The following NEB variants were observed in gnomAD, a reference collection of about 807,000 sequenced individuals.
The protein encoded by NEB is nebulin, also known as nemaline myopathy type 2.
A neutral mutation model predicts 952.2 loss-of-function variants in NEB; 512 were observed. The observed-to-expected ratio is 0.54, with a 90% confidence interval of 0.50 to 0.58. The LOEUF (loss-of-function observed/expected upper bound fraction) is 0.58. Among genes scored for constraint, NEB ranks in the 20% least tolerant of loss-of-function variants. The probability of loss-of-function intolerance (pLI) is 0.00; values close to 1 mark genes in which losing one functional copy is unlikely to be tolerated. For missense variants in NEB, 8,428 were observed against 9,231.1 expected (o/e 0.91, Z 3.56); for synonymous variants, 2,900 against 3,149.8 (o/e 0.92, Z 2.66).
chr2:151,612,699 G>A (rs1225597799), intron 77 of NEB, among the ~76,000 whole-genome samples: 1 of 152,178 alleles, frequency 6.6e-6, no homozygotes, highest in Non-Finnish European at 1.5e-5. Flanking sequence ...TGATTTGATG[G>A]TCCCTACCTC....
chr2:151,647,830 C>T (rs1018836832), intron 54 of NEB, among the ~76,000 whole-genome samples: 2 of 152,044 alleles, frequency 1.3e-5, no homozygotes, highest in African/African-American at 4.8e-5. Context: ...AAATCCTGAG[C>T]CAGAGAAAAT....
chr2:151,642,556 CT>C lies in NEB; in HGVS notation c.8373+17del. The C allele has an allele frequency of 6.3e-7, 1 of 1,592,310 alleles. No homozygotes were observed. Among genetic ancestry groups the C allele is most frequent in the Non-Finnish European group, 8.6e-7 (1 of 1,164,168 alleles). On this transcript the variant is annotated intron_variant, in intron 60 of 181. Coordinates refer to ENST00000397345, the MANE Select transcript of NEB (RefSeq NM_001164508.2). ...TTTGAGCCAAAGCTAAGGCAAATAA[CT>C]TTCCAAGTATACTTACTTCACTTGC...
intron 128 of NEB, among the ~76,000 whole-genome samples, chr2:151,552,190 C>T (rs375386622): frequency 3.3e-5 from 5 of 152,260 alleles, no homozygotes; most frequent in South Asian, 2.1e-4. Flanking sequence ...TTGTGTCAGG[C>T]GTCATAGTGG....
intron 9 of NEB, among the ~76,000 whole-genome samples, chr2:151,717,853 T>TCC (rs2099763433): frequency 1.3e-5 from 1 of 79,422 alleles, no homozygotes. Flanking sequence ...ACCTCCTTTG[T>TCC]TCTTTTTTTT....
Position 151,656,397 on chromosome 2 carries a change from T to C in NEB, c.6251A>G (p.Asp2084Gly), listed in dbSNP as rs1011606396. ...TTGCATGGAATGGACTAATTTGGGA[T>C]CATCCTCGAGACTGCGGAAACCAAC... The part of the protein sequence containing the change: ...KMVGFRSLED[D>G]PKLVHSMQVA... The change falls in exon 49 of 182, where the codon GAT becomes GGT. Residue 2084 changes from aspartate (D) to glycine (G), a missense_variant. Asp to Gly is a moderately conservative substitution (Grantham distance 94, BLOSUM62 -1). Coordinates refer to ENST00000397345, the MANE Select transcript of NEB (RefSeq NM_001164508.2). 6.2e-7 allele frequency: 1 copy of C among 1,613,520 alleles called. No individual in the cohort carries two copies. The highest frequency in any genetic ancestry group is 8.5e-7 in the Non-Finnish European group (1 of 1,179,684).
intron 173 of NEB, among the ~76,000 whole-genome samples, chr2:151,496,019 G>A (rs1458613443): frequency 6.6e-6 from 1 of 152,202 alleles, no homozygotes; most frequent in African/African-American, 2.4e-5. Context: ...TAGAGAGTAA[G>A]TTTGGAGAGA....
At position 151,489,860 on chromosome 2, in the gene NEB, A is replaced by G. The variant is rs145934392; in HGVS notation, c.25404+111T>C. 73 of 704,004 alleles carry G rather than the reference A, an allele frequency of 1.0e-4. No homozygotes were observed. In the African/African-American group the frequency reaches 1.2e-3, roughly 12 times the overall value. 43.6% of individuals were successfully genotyped at this position (704,004 alleles called of 1,614,324 possible). On this transcript the variant is annotated intron_variant, in intron 181 of 181. Coordinates refer to ENST00000397345, the MANE Select transcript of NEB (RefSeq NM_001164508.2). ...GAAACATGTAATAAAAGAGCATTATATAAAATAGAAGGTTTGGTTAAAAAA... is the reference window on the plus strand; with the variant it reads ...GAAACATGTAATAAAAGAGCATTATGTAAAATAGAAGGTTTGGTTAAAAAA...
chr2:151,671,026 A>T lies in NEB; in HGVS notation c.4503T>A (p.Ser1501Arg), dbSNP rs1359459545. 2 of 1,613,170 alleles carry T rather than the reference A, an allele frequency of 1.2e-6. No homozygotes were observed. Among genetic ancestry groups the T allele is most frequent in the Non-Finnish European group, 1.7e-6 (2 of 1,179,092 alleles). The change falls in exon 38 of 182, where the codon AGT (serine) becomes AGA (arginine). Residue 1501 changes from serine (S) to arginine (R), a missense_variant. Coordinates refer to ENST00000397345, the MANE Select transcript of NEB (RefSeq NM_001164508.2). ...VLAQHNTKQLSDLNYKVEGEK... is the reference protein window; with the variant it reads ...VLAQHNTKQLRDLNYKVEGEK... The stretch of plus-strand genomic sequence containing the variant: ...ATTTTGAAAGGAAAGCACTCACATC[A>T]CTTAGCTGCTTTGTGTTATGCTGAG...
chr2:151,706,460 T>C (rs1441274689), intron 13 of NEB, among the ~76,000 whole-genome samples: 1 of 152,226 alleles, frequency 6.6e-6, no homozygotes, highest in African/African-American at 2.4e-5. Flanking sequence ...GAAAGTCCTG[T>C]GAAGACTTAG....
At chr2:151,551,694 T>G (rs766680656) in intron 129 of NEB, 44 bp downstream of exon 129, 1 of 1,462,666 alleles carries the variant, frequency 6.8e-7, no homozygotes, top group Non-Finnish European at 9.6e-7. Flanking sequence ...CAGAGGCTGA[T>G]GGAACGGATT....
chr2:151,508,155 T>TA, intron 161 of NEB, 46 bp from the exon 162 acceptor site: 1 of 1,328,524 alleles, frequency 7.5e-7, no homozygotes, highest in Non-Finnish European at 1.1e-6. Context: ...ACCACAGGGA[T>TA]ATAGGCCAAT....
chr2:151,497,555 G>C, intron 171 of NEB, 71 bp downstream of exon 171: 2 of 1,525,840 alleles, frequency 1.3e-6, no homozygotes, highest in African/African-American at 2.8e-5. Flanking sequence ...GGATTAATAC[G>C]TATTATTTTA....
chr2:151,622,286 C>T (rs1452573242), intron 71 of NEB, among the ~76,000 whole-genome samples: 2 of 152,150 alleles, frequency 1.3e-5, no homozygotes, highest in Non-Finnish European at 2.9e-5. Flanking sequence ...CTGCACCCAG[C>T]CATGTTTGGT....
Position 151,655,274 on chromosome 2 carries a change from C to T in NEB, c.6803G>A (p.Ser2268Asn), listed in dbSNP as rs2099075647. 1.9e-6 allele frequency: 3 copies of T among 1,539,744 alleles called. No homozygotes were observed. The highest frequency in any genetic ancestry group is 1.1e-5 in the South Asian group (1 of 86,998). ...TTAATTTTTATATAAATTTACCTGA[C>T]TATACAGTGTTTGATTCTGCTTGGC... is the stretch of plus-strand genomic sequence containing the variant. ...LQAKQNQTLYSQKLYKLGWEE... is the reference protein window; with the variant it reads ...LQAKQNQTLYNQKLYKLGWEE... Residue 2268 changes from serine (S) to asparagine (N), a missense_variant, in exon 51 of 182, where the codon AGT (serine) becomes AAT (asparagine). Ser to Asn is a conservative substitution (Grantham distance 46). This residue lies in a region of NEB where 2,851 missense variants were observed against 2,791.5 expected (regional missense o/e 1.02). Transcript: ENST00000397345.
In NEB at chr2:151,631,169, T is replaced by C. The variant is rs756429569; in HGVS notation, c.9592A>G (p.Lys3198Glu). The change falls in exon 66 of 182, where the codon AAG (lysine) becomes GAG (glutamate). Residue 3198 changes from lysine (K) to glutamate (E), a missense_variant. By Grantham distance (56) the Lys-to-Glu change is moderately conservative (BLOSUM62 1). Coordinates refer to ENST00000397345, the MANE Select transcript of NEB (RefSeq NM_001164508.2). ...VTDSLEQVLAKNNALNMNKRL... is the reference protein window; with the variant it reads ...VTDSLEQVLAENNALNMNKRL... Reference sequence around the variant, plus strand: ...TTATTCATGTTGAGAGCATTGTTCTTGGCCAGCACCTGCTCTAGAGAATCA... The same window carrying C: ...TTATTCATGTTGAGAGCATTGTTCTCGGCCAGCACCTGCTCTAGAGAATCA... 1 of 1,613,974 alleles carries C rather than the reference T, an allele frequency of 6.2e-7. No individual in the cohort carries two copies. The highest frequency in any genetic ancestry group is 1.1e-5 in the South Asian group (1 of 91,082).
At chr2:151,549,569 A>C in intron 130 of NEB, 67 bp downstream of exon 130, 1 of 978,660 alleles carries the variant, frequency 1.0e-6, no homozygotes, top group Non-Finnish European at 1.6e-6. Context: ...AGAACAGGCT[A>C]TTAATTAATA....
chr2:151,547,370 T>G (rs1193414226), intron 133 of NEB, 59 bp downstream of exon 133: 12 of 1,366,368 alleles, frequency 8.8e-6, no homozygotes, highest in Non-Finnish European at 1.2e-5. Flanking sequence ...TTTTAACTGC[T>G]GAAAGCAAGC....
Position 151,679,741 on chromosome 2 carries a change from C to T in NEB, c.3235G>A (p.Ala1079Thr). 6.7e-7 allele frequency: 1 copy of T among 1,493,410 alleles called. No homozygotes were observed. Among genetic ancestry groups the T allele is most frequent in the Non-Finnish European group, 9.0e-7 (1 of 1,105,594 alleles). 92.5% of individuals were successfully genotyped at this position (1,493,410 alleles called of 1,614,324 possible). ...CTTACGTCACTCGCCGCCTGCCTGG[C>T]AGCTTTGGCAGCTCTGATGGGAATC... Reference protein sequence around the residue: ...DAIPIRAAKAARQAASDVQYK... With the variant: ...DAIPIRAAKATRQAASDVQYK... The change falls in exon 32 of 182, where the codon GCC becomes ACC. Residue 1079 changes from alanine to threonine, a missense_variant. Physicochemically the swap from Ala to Thr is moderately conservative, Grantham distance 58. Around this residue, in one of 11 missense-constraint regions of NEB, gnomAD observed 2,851 missense variants for 2,791.5 expected, o/e 1.02. Coordinates refer to ENST00000397345, the MANE Select transcript of NEB (RefSeq NM_001164508.2).
At chr2:151,488,422 A>G (rs1184607922) in intron 181 of NEB, among the ~76,000 whole-genome samples, 2 of 151,652 alleles carry the variant, frequency 1.3e-5, no homozygotes, top group Non-Finnish European at 2.9e-5. Context: ...CAAAGCAGGC[A>G]GAGGGCTTGA....
Sources: allele counts gnomAD v4.1 joint callset (sites outside exome capture counted in the v4.1 genomes callset), GRCh38; gene constraint gnomAD v4.1.1; regional missense constraint gnomAD v4.1.1; transcripts MANE v1.5; gene names NCBI Gene and HGNC (gene_info 2026-07-23, HGNC 2026-07-21).